Variants in PLCXD1 observed in about 807,000 individuals in gnomAD.
PLCXD1 encodes PI-PLC X domain-containing protein 1.
In PLCXD1, 45 loss-of-function variants were observed where a neutral mutation model predicts 37.8. That is an observed-to-expected ratio of 1.19 (90% CI 0.94 to 1.53). The LOEUF (loss-of-function observed/expected upper bound fraction) is 1.53, where lower values mean the gene tolerates loss of function less well. Among genes scored for constraint, PLCXD1 ranks in the 40% most tolerant of loss-of-function variants. The pLI, the probability that PLCXD1 is intolerant of heterozygous loss-of-function variation, is 0.00. For missense variants in PLCXD1, 539 were observed against 454.7 expected, an observed-to-expected ratio of 1.19 and a Z score of -1.69; for synonymous variants, 246 against 206.9, an observed-to-expected ratio of 1.19 and a Z score of -1.62.
At position 285,849 on chromosome X, in the gene PLCXD1, C is replaced by T. The variant is rs758881306; in HGVS notation, c.127+1535C>T. On this transcript the variant is annotated intron_variant, in intron 2 of 6. Transcript: ENST00000381657. Reference sequence around the variant, plus strand: ...TTCCTTGAGCCACATTTGAGGACTGCAGCCCAGGAAACCCTCCAACTCGCC... The same window carrying T: ...TTCCTTGAGCCACATTTGAGGACTGTAGCCCAGGAAACCCTCCAACTCGCC... Among the ~76,000 whole-genome samples the T allele has an allele frequency of 4.6e-5, 7 of 152,224 alleles. No homozygotes were observed. The South Asian group carries it at 1.2e-3, about 27-fold the overall frequency.
upstream of PLCXD1, among the ~76,000 whole-genome samples, chrX:278,916 G>A (rs908735271): frequency 5.9e-5 from 9 of 152,100 alleles, no homozygotes; most frequent in African/African-American, 1.7e-4. Flanking sequence ...TCTGTCAAGC[G>A]CGTCGGTGCG....
chrX:295,331 G>A (rs945382250), intron 6 of PLCXD1, among the ~76,000 whole-genome samples: 6 of 152,112 alleles, frequency 3.9e-5, no homozygotes, highest in Admixed American at 3.3e-4. Context: ...TCCTCCCCGC[G>A]GGGACGGTGG....
At position 294,017 on chromosome X, in the gene PLCXD1, C is replaced by T. The variant is rs776414850; in HGVS notation, c.733+799C>T. ...AATTCTTTGATTAGAGAAGGGGTCT[C>T]ACTGTGTTGGCCAGGCTGGTCTCAA... On this transcript the variant is annotated intron_variant, in intron 6 of 6. Coordinates refer to ENST00000381657, the MANE Select transcript of PLCXD1 (RefSeq NM_018390.4). 1.2e-4 allele frequency among the ~76,000 whole-genome samples: 19 copies of T among 152,248 alleles called. No individual in the cohort carries two copies. In the South Asian group the frequency reaches 3.7e-3, roughly 30 times the overall value.
At chrX:294,210 C>T (rs1221744443) in intron 6 of PLCXD1, among the ~76,000 whole-genome samples, 18 of 152,098 alleles carry the variant, frequency 1.2e-4, no homozygotes, top group Non-Finnish European at 2.1e-4. Flanking sequence ...AGGCCGGGCG[C>T]GGTGGCTCAC....
intron 6 of PLCXD1, among the ~76,000 whole-genome samples, chrX:295,974 C>T (rs1241008727): frequency 2.0e-5 from 3 of 149,478 alleles, no homozygotes; most frequent in Middle Eastern, 3.2e-3. Context: ...CCACCACGCC[C>T]GGCTAATTTT....
chrX:298,996 T>C (rs1489885394), intron 6 of PLCXD1, 101 bp from the exon 7 acceptor site: 3 of 926,042 alleles, frequency 3.2e-6, no homozygotes, highest in East Asian at 2.4e-5. Flanking sequence ...CTTTCAACTC[T>C]TAATTCCTGA....
At chrX:276,988 C>T (rs760262838), upstream of PLCXD1, among the ~76,000 whole-genome samples, 90 of 152,290 alleles carry the variant, frequency 5.9e-4, 1 homozygote, top group South Asian at 6.6e-3. Flanking sequence ...CGTCTGGGCC[C>T]GTCCGTCATC....
upstream of PLCXD1, among the ~76,000 whole-genome samples, chrX:280,348 AGGGGGAAGGGGGGCCG>A: frequency 1.4e-5 from 1 of 73,672 alleles, no homozygotes; most frequent in African/African-American, 6.7e-5. Context: ...GAGGCCGTGC[AGGGGGAAGGGGGGCCG>A]TGCAGGGGGA....
Position 288,820 on chromosome X carries a change from C to T in PLCXD1, c.215C>T (p.Ala72Val). Residue 72 changes from alanine (A) to valine (V), a missense_variant, in exon 3 of 7, where the codon GCC becomes GTC. Ala to Val is a moderately conservative substitution (Grantham distance 64). Coordinates refer to ENST00000381657, the MANE Select transcript of PLCXD1 (RefSeq NM_018390.4). ...ESRLLQLLNKALPCITRPVVL... is the reference protein window; with the variant it reads ...ESRLLQLLNKVLPCITRPVVL... Reference sequence around the variant, plus strand: ...CGGCTGCTGCAGCTGCTGAACAAGGCCTTGCCCTGCATCACGCGCCCTGTC... The same window carrying T: ...CGGCTGCTGCAGCTGCTGAACAAGGTCTTGCCCTGCATCACGCGCCCTGTC... 6.2e-7 allele frequency: 1 copy of T among 1,613,698 alleles called. No individual in the cohort carries two copies. Among genetic ancestry groups the T allele is most frequent in the Non-Finnish European group, 8.5e-7 (1 of 1,179,674 alleles).
chrX:301,069 G>A lies in PLCXD1; in HGVS notation c.*1734G>A, dbSNP rs28781313. ...TCTGTCACCCAGGCTGGAGGGCAGT[G>A]GTACAGTCATAGCTCACTGCAGCCT... On this transcript the variant is annotated 3_prime_UTR_variant, in exon 7 of 7. Transcript: ENST00000381657. 1 of 152,218 alleles carries A rather than the reference G, an allele frequency of 6.6e-6. No homozygotes were observed. Among genetic ancestry groups the A allele is most frequent in the Admixed American group, 6.5e-5 (1 of 15,270 alleles). 9.4% of individuals were successfully genotyped at this position (152,218 alleles called of 1,614,324 possible).
At chrX:283,861 T>G in intron 1 of PLCXD1, 2 of 202,122 alleles carry the variant, frequency 9.9e-6, no homozygotes, top group East Asian at 1.2e-4. Context: ...AGGACCCCTT[T>G]TCCTCTCTCT....
intron 6 of PLCXD1, among the ~76,000 whole-genome samples, chrX:294,813 CAA>C (rs1181531153): frequency 1.4e-5 from 2 of 145,636 alleles, no homozygotes; most frequent in African/African-American, 5.1e-5. Context: ...CAAAACAAAA[CAA>C]GACAAAATCA....
chrX:280,311 G>C (rs112291473), upstream of PLCXD1, among the ~76,000 whole-genome samples: 5 of 124,794 alleles, frequency 4.0e-5, no homozygotes, highest in South Asian at 2.6e-4. Flanking sequence ...GCCGTGCAGG[G>C]GGAAGGGAGG....
At chrX:285,509 A>G (rs2083673542) in intron 2 of PLCXD1, among the ~76,000 whole-genome samples, 1 of 152,164 alleles carries the variant, frequency 6.6e-6, no homozygotes, top group South Asian at 2.1e-4. Context: ...TATGCAATGC[A>G]TGTATACACG....
At chrX:287,248 A>G (rs2069474393) in intron 2 of PLCXD1, among the ~76,000 whole-genome samples, 1 of 116,644 alleles carries the variant, frequency 8.6e-6, no homozygotes, top group African/African-American at 4.4e-5. Context: ...TAATATATAA[A>G]TAAGTAAATG....
upstream of PLCXD1, among the ~76,000 whole-genome samples, chrX:278,359 G>A (rs1189252142): frequency 6.6e-6 from 1 of 152,080 alleles, no homozygotes; most frequent in East Asian, 1.9e-4. Context: ...GTACAGCTTT[G>A]GGTCCAGCCT....
intron 3 of PLCXD1, 62 bp from the exon 4 acceptor site, chrX:290,586 T>A: frequency 6.3e-7 from 1 of 1,597,532 alleles, no homozygotes; most frequent in Non-Finnish European, 8.5e-7. Flanking sequence ...CCACAGCCCA[T>A]TCCTGAGCCC....
intron 6 of PLCXD1, among the ~76,000 whole-genome samples, chrX:296,560 T>C (rs73176203): frequency 0.067 from 10,273 of 152,262 alleles, 351 homozygotes; most frequent in Middle Eastern, 0.11. Flanking sequence ...TCTTCAAATA[T>C]GGCTTGCAGG....
At chrX:288,601 C>T in intron 2 of PLCXD1, 132 bp from the exon 3 acceptor site, 2 of 955,052 alleles carry the variant, frequency 2.1e-6, no homozygotes. Context: ...CAGCGTGCAC[C>T]CCTCCCGCCA....
Sources: gnomAD v4.1 joint callset for allele counts (sites outside exome capture counted in the v4.1 genomes callset) on GRCh38, gnomAD v4.1.1 for gene constraint, MANE v1.5 for transcripts, NCBI Gene and HGNC (gene_info 2026-07-23, HGNC 2026-07-21) for gene names.